Variants in WDR11 observed in about 807,000 individuals in gnomAD.
WDR11 encodes WD repeat domain 11.
Under a neutral mutation model 151.2 loss-of-function variants are expected in WDR11, and 83 were observed. That is an observed-to-expected ratio of 0.55 (90% confidence interval 0.46 to 0.66). WDR11 has a LOEUF of 0.66. Ranked by LOEUF, WDR11 falls within the 30% of genes least tolerant of loss-of-function variation. WDR11 has a pLI of 0.00. For missense variants in WDR11, 1,301 were observed against 1,480.9 expected (o/e 0.88, Z 1.99); for synonymous variants, 484 against 533.1 (o/e 0.91, Z 1.27).
Position 120,904,803 on chromosome 10 carries a change from A to G in WDR11, c.3185A>G (p.Lys1062Arg). 6.2e-7 allele frequency: 1 copy of G among 1,614,176 alleles called. No individual in the cohort carries two copies. The highest frequency in any genetic ancestry group is 8.5e-7 in the Non-Finnish European group (1 of 1,180,016). Residue 1062 changes from lysine to arginine, a missense_variant, in exon 25 of 29, where the codon AAA becomes AGA. By Grantham distance (26) the Lys-to-Arg change is conservative (BLOSUM62 2). Coordinates refer to ENST00000263461, the MANE Select transcript of WDR11 (RefSeq NM_018117.12). Reference protein sequence around the residue: ...LVATNMIANGKLAEGVQLLCL... With the variant: ...LVATNMIANGRLAEGVQLLCL... ...GCAACGAATATGATTGCCAATGGCA[A>G]ATTGGCAGGTAAGGCACACTTGATA...
rs149398330 is a variant in WDR11, at chr10:120,890,866, A to G, written c.2494A>G (p.Met832Val). ...GTCTATGAAGTCTGCGTGCTTTAGA[A>G]TGGATGAACAAGAGTTAACCGGTAT... ...EMSMKSACFR[M>V]DEQELTEPVW... Residue 832 changes from methionine to valine, a missense_variant, in exon 19 of 29, where the codon ATG becomes GTG. Physicochemically the swap from Met to Val is conservative, Grantham distance 21. This residue lies in a region of WDR11 where 589 missense variants were observed against 670.6 expected (regional missense o/e 0.88). Transcript: ENST00000263461. 30 of 1,614,056 alleles carry G rather than the reference A, an allele frequency of 1.9e-5. No homozygotes were observed. Among genetic ancestry groups the G allele is most frequent in the African/African-American group, 4.0e-5 (3 of 74,926 alleles).
chr10:120,878,967 G>GT (rs1174789242), intron 12 of WDR11: 1 of 152,198 alleles, frequency 6.6e-6, no homozygotes, highest in Non-Finnish European at 1.5e-5. Flanking sequence ...TCCCAATAAG[G>GT]TAACTTTTTC....
chr10:120,879,839 C>T (rs767993366), intron 12 of WDR11: 1 of 152,130 alleles, frequency 6.6e-6, no homozygotes, highest in Non-Finnish European at 1.5e-5. Flanking sequence ...TATGTTCTCT[C>T]TTTTGTTTAA....
At chr10:120,856,242 C>T (rs1259853329) in intron 2 of WDR11, 2 of 152,128 alleles carry the variant, frequency 1.3e-5, no homozygotes, top group Non-Finnish European at 2.9e-5. Context: ...ATATAGAATT[C>T]TGGGTTTATA....
rs374474111 is a variant in WDR11, at chr10:120,908,591, C to G, written c.3553C>G (p.Arg1185Gly). 1 of 1,614,032 alleles carries G rather than the reference C, an allele frequency of 6.2e-7. No homozygotes were observed. The highest frequency in any genetic ancestry group is 1.1e-5 in the South Asian group (1 of 91,088). ...CACTGCTATATATGCAGATTATGCCCGGAGTTTGAAGAACCTCGGTTTTAA... is the reference window on the plus strand; with the variant it reads ...CACTGCTATATATGCAGATTATGCCGGGAGTTTGAAGAACCTCGGTTTTAA... ...LITAIYADYA[R>G]SLKNLGFKQG... The change falls in exon 29 of 29, where the codon CGG (arginine) becomes GGG (glycine). Residue 1185 changes from arginine to glycine, a missense_variant. Arg to Gly is a moderately radical substitution (Grantham distance 125). Around this residue, in one of 3 missense-constraint regions of WDR11, gnomAD observed 589 missense variants for 670.6 expected, o/e 0.88. Transcript: ENST00000263461.
chr10:120,905,285 G>T (rs373075857), intron 25 of WDR11, 34 bp from the exon 26 acceptor site: 364 of 1,605,320 alleles, frequency 2.3e-4, no homozygotes, highest in Non-Finnish European at 2.9e-4. Context: ...AGGAGCTGCA[G>T]TGTCACTTAA....
intron 3 of WDR11, among the ~76,000 whole-genome samples, chr10:120,859,769 G>C (rs1846072828): frequency 6.6e-6 from 1 of 152,268 alleles, no homozygotes; most frequent in East Asian, 1.9e-4. Flanking sequence ...CATTAGGAAA[G>C]TCTGACATCT....
chr10:120,888,570 G>A (rs1482134771), intron 16 of WDR11, among the ~76,000 whole-genome samples: 1 of 152,252 alleles, frequency 6.6e-6, no homozygotes. Flanking sequence ...TATGCCTTTA[G>A]TAAACAGCAT....
At chr10:120,853,222 G>A (rs1040914121) in intron 2 of WDR11, among the ~76,000 whole-genome samples, 2 of 152,150 alleles carry the variant, frequency 1.3e-5, no homozygotes, top group Non-Finnish European at 2.9e-5. Flanking sequence ...CAGCCAGAGA[G>A]ATTCAGCTGT....
intron 27 of WDR11, chr10:120,906,304 G>A (rs756419785): frequency 1.5e-6 from 2 of 1,305,388 alleles, no homozygotes; most frequent in African/African-American, 3.0e-5. Context: ...GGTCCATTCA[G>A]CTTTGACTAG....
At chr10:120,883,940 G>T (rs748771782) in intron 14 of WDR11, 52 bp downstream of exon 14, 4 of 1,466,988 alleles carry the variant, frequency 2.7e-6, no homozygotes, top group Non-Finnish European at 3.8e-6. Context: ...TATGTATGTG[G>T]TGAATGTTTT....
intron 2 of WDR11, among the ~76,000 whole-genome samples, chr10:120,857,609 G>C (rs1047359955): frequency 5.9e-5 from 9 of 152,116 alleles, no homozygotes; most frequent in African/African-American, 1.9e-4. Flanking sequence ...CTTAAGGCCT[G>C]TTCACGCTCA....
intron 11 of WDR11, 22 bp downstream of exon 11, chr10:120,873,945 T>C (rs930012097): frequency 1.3e-6 from 2 of 1,517,110 alleles, no homozygotes; most frequent in African/African-American, 2.7e-5. Context: ...ATTGTGATGA[T>C]GACATCACAA....
In WDR11 at chr10:120,905,105, T is replaced by G. The variant is rs116265498; in HGVS notation, c.3194-214T>G. ...TGTGAGAGAACTATGCTCTCCCTACTTATTCTCCAGACTGTATTGTGCTTC... is the reference window on the plus strand; with the variant it reads ...TGTGAGAGAACTATGCTCTCCCTACGTATTCTCCAGACTGTATTGTGCTTC... On this transcript the variant is annotated intron_variant, in intron 25 of 28. Transcript: ENST00000263461. Among the ~76,000 whole-genome samples, 1,176 of 152,302 alleles carry G rather than the reference T, an allele frequency of 7.7e-3. 17 individuals are homozygous for G. Among genetic ancestry groups the G allele is most frequent in the African/African-American group, 0.027 (1,109 of 41,554 alleles).
At chr10:120,884,284 G>A (rs1847134986) in intron 14 of WDR11, among the ~76,000 whole-genome samples, 1 of 152,088 alleles carries the variant, frequency 6.6e-6, no homozygotes, top group Non-Finnish European at 1.5e-5. Context: ...AATCAGTATT[G>A]TATTGGCACA....
Position 120,908,770 on chromosome 10 carries a change from T to C in WDR11, c.*57T>C, listed in dbSNP as rs1189546881. ...GAAGGCAGATGGGAGGGGGCTGGTC[T>C]GGCTGTGGCCACCGTCACAGTCCAG... On this transcript the variant is annotated 3_prime_UTR_variant, in exon 29 of 29. Transcript: ENST00000263461. 6.3e-6 allele frequency: 10 copies of C among 1,599,966 alleles called. No individual in the cohort carries two copies. The African/African-American group carries it at 1.3e-4, about 21-fold the overall frequency.
intron 9 of WDR11, among the ~76,000 whole-genome samples, chr10:120,870,461 G>A (rs1210683825): frequency 6.6e-6 from 1 of 151,976 alleles, no homozygotes; most frequent in Non-Finnish European, 1.5e-5. Flanking sequence ...TTTAGATTTA[G>A]CTTTTGTTAG....
At chr10:120,853,332 C>T (rs1845844183) in intron 2 of WDR11, among the ~76,000 whole-genome samples, 1 of 151,592 alleles carries the variant, frequency 6.6e-6, no homozygotes, top group South Asian at 2.1e-4. Flanking sequence ...GTGGCATGAT[C>T]TCGGCTCACT....
In WDR11 at chr10:120,858,683, C is replaced by T; in HGVS notation, c.239C>T (p.Ser80Leu). 3.7e-6 allele frequency: 6 copies of T among 1,614,214 alleles called. No individual in the cohort carries two copies. Among genetic ancestry groups the T allele is most frequent in the African/African-American group, 2.7e-5 (2 of 75,050 alleles). The part of the protein sequence containing the change: ...ARENYHHNIG[S>L]PYCLRLASAD... ...GAAAACTATCACCATAACATTGGCTCACCATATTGCTTACGGTTAGCTTCT... is the reference window on the plus strand; with the variant it reads ...GAAAACTATCACCATAACATTGGCTTACCATATTGCTTACGGTTAGCTTCT... Residue 80 changes from serine (S) to leucine (L), a missense_variant, in exon 3 of 29, where the codon TCA becomes TTA. By Grantham distance (145) the Ser-to-Leu change is moderately radical. Transcript: ENST00000263461.
Sources: allele counts gnomAD v4.1 joint callset (sites outside exome capture counted in the v4.1 genomes callset), GRCh38; gene constraint gnomAD v4.1.1; regional missense constraint gnomAD v4.1.1; transcripts MANE v1.5; gene names NCBI Gene and HGNC (gene_info 2026-07-23, HGNC 2026-07-21).